CACNG3: variants seen among roughly 807,000 people sequenced by gnomAD.
CACNG3 encodes the protein voltage-dependent calcium channel gamma-3 subunit.
CACNG3 carries 3 observed loss-of-function variants against 28.5 expected under a neutral mutation model. The ratio of observed to expected loss-of-function variants is 0.11; its 90% CI spans 0.05 to 0.27. The LOEUF (loss-of-function observed/expected upper bound fraction) is 0.27, where lower values mean the gene tolerates loss of function less well. Among genes scored for constraint, CACNG3 ranks in the 10% least tolerant of loss-of-function variants. CACNG3 has a pLI of 1.00. For synonymous variants in CACNG3, 174 were observed against 162.2 expected, an observed-to-expected ratio of 1.07 and a Z score of -0.55; for missense variants, 236 against 414.4, an observed-to-expected ratio of 0.57 and a Z score of 3.74.
chr16:24,319,486 C>T, intron 1 of CACNG3, among the ~76,000 whole-genome samples: 1 of 152,176 alleles, frequency 6.6e-6, no homozygotes, highest in Admixed American at 6.5e-5. Context: ...AGAGGTCTTG[C>T]TTTGTCTCCC....
At chr16:24,297,735 G>C (rs1041079589) in intron 1 of CACNG3, among the ~76,000 whole-genome samples, 1 of 152,156 alleles carries the variant, frequency 6.6e-6, no homozygotes, top group East Asian at 1.9e-4. Context: ...GGATGGGGAG[G>C]GGGTGCTGTG....
At chr16:24,282,628 G>A (rs1289802848) in intron 1 of CACNG3, among the ~76,000 whole-genome samples, 2 of 152,016 alleles carry the variant, frequency 1.3e-5, no homozygotes, top group South Asian at 2.1e-4. Context: ...TCCCAAGAAC[G>A]TGGACACAAA....
chr16:24,283,684 A>G (rs942717600), intron 1 of CACNG3, among the ~76,000 whole-genome samples: 2 of 152,194 alleles, frequency 1.3e-5, no homozygotes, highest in Non-Finnish European at 2.9e-5. Flanking sequence ...TTTAGAGAAT[A>G]GTGTTAAATA....
intron 1 of CACNG3, among the ~76,000 whole-genome samples, chr16:24,291,585 G>A (rs995004467): frequency 6.6e-6 from 1 of 152,166 alleles, no homozygotes. Context: ...AATTTTGTTG[G>A]TGGAAGGCAG....
At chr16:24,355,046 T>C (rs1226135977) in intron 3 of CACNG3, 73 bp downstream of exon 3, 5 of 1,458,998 alleles carry the variant, frequency 3.4e-6, no homozygotes, top group Non-Finnish European at 4.8e-6. Flanking sequence ...GAGGAAGCAA[T>C]GCTACTCAGG....
At chr16:24,345,354 C>T (rs1567223835) in intron 1 of CACNG3, among the ~76,000 whole-genome samples, 1 of 152,078 alleles carries the variant, frequency 6.6e-6, no homozygotes, top group Non-Finnish European at 1.5e-5. Context: ...TATTAACTGC[C>T]CCCAGAGACT....
At chr16:24,359,630 G>C (rs779845191) in intron 3 of CACNG3, among the ~76,000 whole-genome samples, 37 of 152,072 alleles carry the variant, frequency 2.4e-4, no homozygotes, top group Non-Finnish European at 5.3e-4. Context: ...GAGAGGCCAG[G>C]GTGGGAGGAT....
chr16:24,354,694 C>T lies in CACNG3; in HGVS notation c.296-139C>T, dbSNP rs963768039. On this transcript the variant is annotated intron_variant, in intron 2 of 3. Coordinates refer to ENST00000005284, the MANE Select transcript of CACNG3 (RefSeq NM_006539.4). ...TCCTTCTAAGCACAGGCCCTGAGCG[C>T]CTGGTCTCATGCCCGTGTTAGACAT... The T allele has an allele frequency of 4.0e-5, 32 of 793,464 alleles. No individual in the cohort carries two copies. In the Admixed American group the frequency reaches 6.8e-4, roughly 17 times the overall value. The allele number at this position is 793,464 out of a possible 1,614,324, so 49.2% of individuals were successfully genotyped here.
rs369141664 is a variant in CACNG3, at chr16:24,273,866, G to A, written c.211+16901G>A. Among the ~76,000 whole-genome samples the A allele has an allele frequency of 8.5e-5, 13 of 152,218 alleles. 1 individual carries two copies. Among genetic ancestry groups the A allele is most frequent in the South Asian group, 8.3e-4 (4 of 4,820 alleles). ...GGAGTTTTTTTAACAGATCATTTAA[G>A]AGCAAAATTGGGCTTTTTAAACACA... On this transcript the variant is annotated intron_variant, in intron 1 of 3. Transcript: ENST00000005284.
At chr16:24,334,734 C>T (rs941316103) in intron 1 of CACNG3, among the ~76,000 whole-genome samples, 11 of 152,214 alleles carry the variant, frequency 7.2e-5, no homozygotes, top group African/African-American at 2.7e-4. Flanking sequence ...CTTTGAATGA[C>T]CCAGAAAGCT....
At chr16:24,259,043 G>A (rs1259998292) in intron 1 of CACNG3, among the ~76,000 whole-genome samples, 1 of 152,200 alleles carries the variant, frequency 6.6e-6, no homozygotes, top group Non-Finnish European at 1.5e-5. Context: ...CATTCTGTAG[G>A]CTTAGTGGGA....
intron 1 of CACNG3, among the ~76,000 whole-genome samples, chr16:24,282,593 T>C (rs75126329): frequency 6.6e-6 from 1 of 152,200 alleles, no homozygotes; most frequent in Non-Finnish European, 1.5e-5. Flanking sequence ...TTTCCTTCTG[T>C]GATTGTTATA....
chr16:24,292,482 G>A (rs565584220), intron 1 of CACNG3, among the ~76,000 whole-genome samples: 36 of 152,252 alleles, frequency 2.4e-4, no homozygotes, highest in African/African-American at 3.6e-4. Context: ...CAGATGGCCC[G>A]AATTGGAAAA....
At chr16:24,346,130 T>A (rs1378459404) in intron 1 of CACNG3, among the ~76,000 whole-genome samples, 2 of 152,218 alleles carry the variant, frequency 1.3e-5, no homozygotes, top group East Asian at 1.9e-4. Flanking sequence ...ATAGTCTTCA[T>A]AATTAGTGTT....
intron 1 of CACNG3, among the ~76,000 whole-genome samples, chr16:24,290,222 T>C (rs1898949029): frequency 6.6e-6 from 1 of 152,344 alleles, no homozygotes; most frequent in African/African-American, 2.4e-5. Flanking sequence ...CAGAAAGAAT[T>C]GGAGAGAGTG....
intron 1 of CACNG3, among the ~76,000 whole-genome samples, chr16:24,302,342 C>G (rs1899123900): frequency 6.6e-6 from 1 of 152,186 alleles, no homozygotes; most frequent in Non-Finnish European, 1.5e-5. Flanking sequence ...ACCCTTGGAC[C>G]AGGAGTATAC....
At position 24,300,631 on chromosome 16, in the gene CACNG3, A is replaced by C. The variant is rs539497476; in HGVS notation, c.211+43666A>C. Among the ~76,000 whole-genome samples, 4 of 152,228 alleles carry C rather than the reference A, an allele frequency of 2.6e-5. No individual in the cohort carries two copies. The South Asian group carries it at 6.2e-4, about 24-fold the overall frequency. On this transcript the variant is annotated intron_variant, in intron 1 of 3. Coordinates refer to ENST00000005284, the MANE Select transcript of CACNG3 (RefSeq NM_006539.4). ...AAAACAAAACAAGACAAAAAAAAAA[A>C]AAAACCATAGACTGAGCATGGTGGC...
rs1596623965 is a variant in CACNG3 at position 24,276,193 on chromosome 16, A to T, written c.211+19228A>T. On this transcript the variant is annotated intron_variant, in intron 1 of 3. Transcript: ENST00000005284. ...TGAGCCAGACATTAAAGAGATTTTCAAAAGCGTAAAAACAATTCTTCTCAC... is the reference window on the plus strand; with the variant it reads ...TGAGCCAGACATTAAAGAGATTTTCTAAAGCGTAAAAACAATTCTTCTCAC... Among the ~76,000 whole-genome samples the T allele has an allele frequency of 3.9e-5, 6 of 152,226 alleles. No homozygotes were observed. The South Asian group carries it at 1.2e-3, about 31-fold the overall frequency.
chr16:24,256,993 T>C lies in CACNG3; in HGVS notation c.211+28T>C, dbSNP rs767167726. The C allele has an allele frequency of 1.5e-6, 2 of 1,352,932 alleles. No homozygotes were observed. The highest frequency in any genetic ancestry group is 2.1e-6 in the Non-Finnish European group (2 of 942,108). 83.8% of individuals were successfully genotyped at this position (1,352,932 alleles called of 1,614,324 possible). Reference sequence around the variant, plus strand: ...ATTTACAATTTCCTCTCAATAGCTCTGAATAATCCAGTTCTGATATTCTGG... The same window carrying C: ...ATTTACAATTTCCTCTCAATAGCTCCGAATAATCCAGTTCTGATATTCTGG... On this transcript the variant is annotated intron_variant, in intron 1 of 3. Transcript: ENST00000005284. This position sits in a 1 kb window ranked among gnomAD's most constrained non-coding sequence, Gnocchi z 4.6.
Sources: gnomAD v4.1 joint callset for allele counts (sites outside exome capture counted in the v4.1 genomes callset) on GRCh38, gnomAD v4.1.1 for gene constraint, Gnocchi (gnomAD v3.1) non-coding constraint, MANE v1.5 for transcripts, NCBI Gene and HGNC (gene_info 2026-07-23, HGNC 2026-07-21) for gene names.